Variants in DPH6 observed in about 807,000 individuals in gnomAD.
DPH6 encodes diphthine--ammonia ligase.
A neutral mutation model predicts 38.2 loss-of-function variants in DPH6; 33 were observed. The ratio of observed to expected loss-of-function variants is 0.86; its 90% CI spans 0.65 to 1.15. The LOEUF is 1.15. Among genes scored for constraint, DPH6 ranks in the 50% most tolerant of loss-of-function variants. DPH6 has a pLI of 0.00. For synonymous variants in DPH6, 108 were observed against 103.0 expected, an observed-to-expected ratio of 1.05 and a Z score of -0.30; for missense variants, 325 against 320.0, an observed-to-expected ratio of 1.02 and a Z score of -0.12.
At chr15:35,179,745 T>C in the DPH6 span, among the ~76,000 whole-genome samples, 7 of 152,078 alleles carry the variant, frequency 4.6e-5, no homozygotes, top group Admixed American at 2.0e-4. Context: ...CTGAATGGGG[T>C]GATACTTGTG....
chr15:35,449,613 T>C (rs1288319934), intron 5 of DPH6, among the ~76,000 whole-genome samples: 1 of 151,784 alleles, frequency 6.6e-6, no homozygotes, highest in African/African-American at 2.4e-5. Context: ...CTGTACAGAG[T>C]CACATAGAAA....
intron 3 of DPH6, among the ~76,000 whole-genome samples, chr15:35,287,491 T>C (rs557110405): frequency 1.3e-5 from 2 of 152,308 alleles, no homozygotes; most frequent in East Asian, 3.9e-4. Context: ...TAGGGCATTA[T>C]TAGTTTCGTG....
intron 6 of DPH6, among the ~76,000 whole-genome samples, chr15:35,408,161 GT>G (rs2053319745): frequency 6.6e-6 from 1 of 151,966 alleles, no homozygotes; most frequent in South Asian, 2.1e-4. Flanking sequence ...ATGTTAATGA[GT>G]TAGATATAGC....
chr15:35,339,262 GTC>G (rs1222040193), intron 3 of DPH6, among the ~76,000 whole-genome samples: 4 of 151,286 alleles, frequency 2.6e-5, no homozygotes, highest in African/African-American at 9.7e-5. Flanking sequence ...CTGATACATT[GTC>G]TCTTTGTTCT....
chr15:35,538,417 C>T lies in DPH6; in HGVS notation c.169G>A (p.Ala57Thr), dbSNP rs1403469095. The part of the protein sequence containing the change: ...SYMYQTVGHH[A>T]IDLYAEAMAL... Reference sequence around the variant, plus strand: ...ATTGCTTCTGCATACAAGTCAATGGCATGGTGCCCCACTGTCTGATACATG... The same window carrying T: ...ATTGCTTCTGCATACAAGTCAATGGTATGGTGCCCCACTGTCTGATACATG... Residue 57 changes from alanine to threonine, a missense_variant, in exon 3 of 9, where the codon GCC becomes ACC. Transcript: ENST00000256538. 8 of 1,604,330 alleles carry T rather than the reference C, an allele frequency of 5.0e-6. No individual in the cohort carries two copies. The highest frequency in any genetic ancestry group is 6.0e-6 in the Non-Finnish European group (7 of 1,173,086).
intron 6 of DPH6, among the ~76,000 whole-genome samples, chr15:35,400,224 A>C (rs1285977445): frequency 6.6e-6 from 1 of 152,228 alleles, no homozygotes; most frequent in Non-Finnish European, 1.5e-5. Context: ...CAAGAGAAAA[A>C]ATAAAAGTTG....
chr15:35,326,581 A>C (rs1300514926), downstream of DPH6, among the ~76,000 whole-genome samples: 1 of 151,982 alleles, frequency 6.6e-6, no homozygotes, highest in Non-Finnish European at 1.5e-5. Context: ...ACAGACATGC[A>C]CCACCGTGCC....
At chr15:35,401,628 A>G (rs1428241302) in intron 6 of DPH6, 5 of 757,072 alleles carry the variant, frequency 6.6e-6, no homozygotes, top group South Asian at 5.4e-5. Context: ...GAATTTTGGA[A>G]CCATGAAGGT....
At chr15:35,357,903 G>C (rs999599775) in intron 3 of DPH6, among the ~76,000 whole-genome samples, 1 of 152,148 alleles carries the variant, frequency 6.6e-6, no homozygotes, top group Non-Finnish European at 1.5e-5. Context: ...GGTGTTCTTT[G>C]TGCTTCTTGT....
chr15:35,425,601 T>G (rs2053558565), intron 5 of DPH6, among the ~76,000 whole-genome samples: 1 of 150,924 alleles, frequency 6.6e-6, no homozygotes. Context: ...AATATATATG[T>G]ATAAAACATA....
chr15:35,338,625 G>A (rs1410313246), intron 3 of DPH6, among the ~76,000 whole-genome samples: 4 of 152,202 alleles, frequency 2.6e-5, no homozygotes, highest in African/African-American at 7.2e-5. Context: ...TCAGTGTGGC[G>A]ATTCCTCAGG....
chr15:35,299,611 C>T lies in DPH6; in HGVS notation n.200+73910G>A, dbSNP rs113775952. On this transcript the variant is annotated intron_variant and non_coding_transcript_variant, in intron 3 of 3. Transcript: ENST00000560386. ...CGCGGGCTGCTGGGAGAGCGCGCCC[C>T]ATCTCTAACATGTTCTTTCTCACTC... Among the ~76,000 whole-genome samples, 351 of 152,272 alleles carry T rather than the reference C, an allele frequency of 2.3e-3. 1 individual carries two copies. Among genetic ancestry groups the T allele is most frequent in the African/African-American group, 8.2e-3 (342 of 41,568 alleles).
intron 6 of DPH6, among the ~76,000 whole-genome samples, chr15:35,409,707 A>G (rs2053339852): frequency 6.6e-6 from 1 of 151,994 alleles, no homozygotes. Context: ...TAAACATGAT[A>G]TAATGGAGCT....
intron 3 of DPH6, among the ~76,000 whole-genome samples, chr15:35,293,919 G>C (rs1446333949): frequency 6.6e-6 from 1 of 152,164 alleles, no homozygotes; most frequent in Non-Finnish European, 1.5e-5. Context: ...GGTGACACTT[G>C]TTAGCATAAG....
chr15:35,327,336 CTTTTTTT>C (rs376483680), downstream of DPH6, among the ~76,000 whole-genome samples: 1 of 127,814 alleles, frequency 7.8e-6, no homozygotes, highest in Admixed American at 7.8e-5. Context: ...GAAAAGGTTC[CTTTTTTT>C]TTTTTTTTTT....
chr15:35,456,471 A>ATATATT (rs1046478143), intron 3 of DPH6, among the ~76,000 whole-genome samples: 28 of 146,854 alleles, frequency 1.9e-4, no homozygotes, highest in Middle Eastern at 7.2e-3. Context: ...ATATATATAT[A>ATATATT]TATTTATTTA....
chr15:35,348,272 T>G (rs1336626869), intron 3 of DPH6, among the ~76,000 whole-genome samples: 1 of 152,210 alleles, frequency 6.6e-6, no homozygotes, highest in Non-Finnish European at 1.5e-5. Flanking sequence ...CCAGAAGTTT[T>G]GTAGTTTAAA....
chr15:35,510,466 C>G (rs566576136), intron 3 of DPH6, among the ~76,000 whole-genome samples: 1 of 152,104 alleles, frequency 6.6e-6, no homozygotes, highest in Non-Finnish European at 1.5e-5. Context: ...TGGAACAACT[C>G]CTGCATATGT....
At chr15:35,250,759 A>C (rs2140409039) in intron 3 of DPH6, among the ~76,000 whole-genome samples, 1 of 152,344 alleles carries the variant, frequency 6.6e-6, no homozygotes, top group East Asian at 1.9e-4. Flanking sequence ...AAGACATATA[A>C]AATAATAAAT....
Sources: gnomAD v4.1 joint callset for allele counts (sites outside exome capture counted in the v4.1 genomes callset) on GRCh38, gnomAD v4.1.1 for gene constraint, MANE v1.5 for transcripts, NCBI Gene and HGNC (gene_info 2026-07-23, HGNC 2026-07-21) for gene names.